The following DCK variants were observed in gnomAD, a reference collection of about 807,000 sequenced individuals.
DCK encodes deoxyadenosine kinase.
Under a neutral mutation model 38.3 loss-of-function variants are expected in DCK, and 23 were observed. The ratio of observed to expected loss-of-function variants is 0.60; its 90% confidence interval spans 0.43 to 0.85. The LOEUF is 0.85. Among genes scored for constraint, DCK ranks in the 40% least tolerant of loss-of-function variants. The pLI is 0.00. For missense variants in DCK, 259 were observed against 304.4 expected, an observed-to-expected ratio of 0.85 and a Z score of 1.11; for synonymous variants, 108 against 100.6, an observed-to-expected ratio of 1.07 and a Z score of -0.44.
rs1578429928 is a variant in DCK at position 71,023,766 on chromosome 4, C to T, written c.549+60C>T. The T allele has an allele frequency of 7.2e-6, 11 of 1,537,340 alleles. No homozygotes were observed. In the East Asian group the frequency reaches 2.3e-4, roughly 32 times the overall value. ...TTAAAGAAATATTTAGAACTCTTTT[C>T]AGTGGTATATAATGAGGGCAATTTA... On this transcript the variant is annotated intron_variant, in intron 4 of 6. Transcript: ENST00000286648.
At position 71,030,733 on chromosome 4, in the gene DCK, T is replaced by C. The variant is rs1740671889; in HGVS notation, c.*1355T>C. 1 of 152,154 alleles carries C rather than the reference T, an allele frequency of 6.6e-6. No homozygotes were observed. Among genetic ancestry groups the C allele is most frequent in the South Asian group, 2.1e-4 (1 of 4,834 alleles). The allele number at this position is 152,154 out of a possible 1,614,324, so 9.4% of individuals were successfully genotyped here. ...ATCATTTTAGAATTAAAATTTATTC[T>C]ACTTTTAAATAAATTATGAATATTA... On this transcript the variant is annotated 3_prime_UTR_variant, in exon 7 of 7. Coordinates refer to ENST00000286648, the MANE Select transcript of DCK (RefSeq NM_000788.3).
intron 2 of DCK, among the ~76,000 whole-genome samples, chr4:71,016,183 G>A (rs1363196193): frequency 1.1e-4 from 16 of 152,008 alleles, no homozygotes; most frequent in African/African-American, 2.2e-4. Context: ...CCCATTCACA[G>A]TTGCTTCAAA....
chr4:71,029,454 A>G lies in DCK; in HGVS notation c.*76A>G, dbSNP rs561108413. 5.4e-6 allele frequency: 6 copies of G among 1,103,524 alleles called. No homozygotes were observed. Among genetic ancestry groups the G allele is most frequent in the South Asian group, 1.4e-5 (1 of 70,442 alleles). The allele number at this position is 1,103,524 out of a possible 1,614,324, so 68.4% of individuals were successfully genotyped here. On this transcript the variant is annotated 3_prime_UTR_variant, in exon 7 of 7. Transcript: ENST00000286648. ...TGTATCTTCGTAACTTCATATTAAT[A>G]TAAGTTTCTTTAGAAAACCCAAGTT...
chr4:71,015,045 C>T (rs1285502298), intron 2 of DCK, among the ~76,000 whole-genome samples: 2 of 152,028 alleles, frequency 1.3e-5, no homozygotes, highest in Non-Finnish European at 2.9e-5. Flanking sequence ...AAGAAGAAAA[C>T]AGAGAAGAAT....
At chr4:71,017,577 C>T (rs994043804) in intron 2 of DCK, among the ~76,000 whole-genome samples, 3 of 152,090 alleles carry the variant, frequency 2.0e-5, no homozygotes, top group Middle Eastern at 3.4e-3. Context: ...GGCACATATA[C>T]ACCATGGAAT....
At chr4:71,023,475 A>G in intron 3 of DCK, 84 bp from the exon 4 acceptor site, 1 of 882,034 alleles carries the variant, frequency 1.1e-6, no homozygotes, top group Non-Finnish European at 1.7e-6. Context: ...ATTTAGGAGA[A>G]TGTTTCATGT....
chr4:71,005,570 G>A (rs1294231936), intron 2 of DCK, among the ~76,000 whole-genome samples: 9 of 147,928 alleles, frequency 6.1e-5, no homozygotes, highest in South Asian at 4.3e-4. Flanking sequence ...GCAATGGCTC[G>A]ATCTTGGCTC....
Position 70,998,638 on chromosome 4 carries a change from T to C in DCK, c.207+456T>C, listed in dbSNP as rs146834238. Among the ~76,000 whole-genome samples, 751 of 152,218 alleles carry C rather than the reference T, an allele frequency of 4.9e-3. 11 individuals carry two copies. Among genetic ancestry groups the C allele is most frequent in the African/African-American group, 0.017 (721 of 41,540 alleles). ...GGGTGACTATATGTTTAAACATGCA[T>C]TGAGGCCGGGGTTGGTGGCTCACGC... On this transcript the variant is annotated intron_variant, in intron 2 of 6. Coordinates refer to ENST00000286648, the MANE Select transcript of DCK (RefSeq NM_000788.3).
intron 2 of DCK, among the ~76,000 whole-genome samples, chr4:71,003,082 C>T (rs547273502): frequency 4.4e-4 from 67 of 152,274 alleles, no homozygotes; most frequent in African/African-American, 1.5e-3. Context: ...TATGTTTTTG[C>T]AGTGGCTGGT....
At chr4:71,026,523 C>T (rs938714149) in intron 5 of DCK, 142 bp from the exon 6 acceptor site, 3 of 617,194 alleles carry the variant, frequency 4.9e-6, no homozygotes, top group African/African-American at 1.9e-5. Context: ...AAGGGGCTGC[C>T]AGATGAAGTA....
At chr4:71,022,637 T>A in intron 3 of DCK, 77 bp downstream of exon 3, 2 of 818,312 alleles carry the variant, frequency 2.4e-6, no homozygotes, top group Non-Finnish European at 3.5e-6. Flanking sequence ...TTTTAATGTT[T>A]CCTGGGAATT....
chr4:71,001,484 A>G (rs1231513019), intron 2 of DCK, among the ~76,000 whole-genome samples: 1 of 152,206 alleles, frequency 6.6e-6, no homozygotes, highest in East Asian at 1.9e-4. Flanking sequence ...TTTTTGTATT[A>G]GGGTGATGCT....
chr4:71,004,795 G>A (rs1739899041), intron 2 of DCK, among the ~76,000 whole-genome samples: 1 of 152,126 alleles, frequency 6.6e-6, no homozygotes, highest in East Asian at 1.9e-4. Flanking sequence ...CAGTAATGGC[G>A]GGCACCCCTC....
At chr4:71,024,204 T>G (rs906380639) in intron 4 of DCK, among the ~76,000 whole-genome samples, 2 of 152,236 alleles carry the variant, frequency 1.3e-5, no homozygotes, top group African/African-American at 2.4e-5. Flanking sequence ...TTATTATGGT[T>G]GTTTGTGCCT....
rs550324514 is a variant in DCK, at chr4:71,018,286, C to A, written c.208-4081C>A. Among the ~76,000 whole-genome samples the A allele has an allele frequency of 2.5e-4, 38 of 152,036 alleles. 1 individual carries two copies. In the South Asian group the frequency reaches 3.3e-3, roughly 13 times the overall value. ...AGACTACAGGCGCCTGCCACCATGC[C>A]CCGCTATTTTTTTTGGTATTTTTAG... On this transcript the variant is annotated intron_variant, in intron 2 of 6. Transcript: ENST00000286648.
chr4:70,997,271 C>CTATATGCTT (rs1362027557), intron 1 of DCK, among the ~76,000 whole-genome samples: 1 of 152,096 alleles, frequency 6.6e-6, no homozygotes, highest in Non-Finnish European at 1.5e-5. Flanking sequence ...GGTGTTCTTT[C>CTATATGCTT]TATATGCTTT....
In DCK at chr4:71,029,486, C is replaced by T. The variant is rs746639633; in HGVS notation, c.*108C>T. The T allele has an allele frequency of 8.8e-6, 7 of 797,838 alleles. No individual in the cohort carries two copies. The highest frequency in any genetic ancestry group is 5.4e-5 in the African/African-American group (3 of 55,912). The allele number at this position is 797,838 out of a possible 1,614,324, so 49.4% of individuals were successfully genotyped here. ...TCTTTAGAAAACCCAAGTTTTTAAT[C>T]GTTTTTGTTTTAAGGAAAAAAGATT... On this transcript the variant is annotated 3_prime_UTR_variant, in exon 7 of 7. Coordinates refer to ENST00000286648, the MANE Select transcript of DCK (RefSeq NM_000788.3).
chr4:71,008,019 G>A (rs1739992153), intron 2 of DCK, among the ~76,000 whole-genome samples: 1 of 152,238 alleles, frequency 6.6e-6, no homozygotes, highest in African/African-American at 2.4e-5. Flanking sequence ...GAGCCACTAT[G>A]TGGGGCCTAT....
rs72553930 is a variant in DCK, at chr4:71,023,446, C to T, written c.402-113C>T. 3.0e-4 allele frequency: 205 copies of T among 691,306 alleles called. No homozygotes were observed. In the East Asian group the frequency reaches 5.6e-3, roughly 19 times the overall value. The allele number at this position is 691,306 out of a possible 1,614,324, so 42.8% of individuals were successfully genotyped here. A position where few individuals can be genotyped will look rare whatever the true frequency, so the allele number is the denominator to read the frequency against. The stretch of plus-strand genomic sequence containing the variant: ...GACTCTTGTCTTTTTCTGCTTTCCA[C>T]GGCACTATGTGCCACTGGATTTAGG... On this transcript the variant is annotated intron_variant, in intron 3 of 6. Coordinates refer to ENST00000286648, the MANE Select transcript of DCK (RefSeq NM_000788.3).
Sources: allele counts gnomAD v4.1 joint callset (sites outside exome capture counted in the v4.1 genomes callset), GRCh38; gene constraint gnomAD v4.1.1; transcripts MANE v1.5; gene names NCBI Gene and HGNC (gene_info 2026-07-23, HGNC 2026-07-21).